Variants in KIAA1549L observed in about 807,000 individuals in gnomAD.
KIAA1549L encodes UPF0606 protein KIAA1549L.
A neutral mutation model predicts 160.7 loss-of-function variants in KIAA1549L; 88 were observed. The ratio of observed to expected loss-of-function variants is 0.55; its 90% CI spans 0.46 to 0.65. The LOEUF (loss-of-function observed/expected upper bound fraction) is 0.65, where lower values mean the gene tolerates loss of function less well. Ranked by LOEUF, KIAA1549L falls within the 30% of genes least tolerant of loss-of-function variation. The pLI is 0.00. For missense variants in KIAA1549L, 2,258 were observed against 2,437.5 expected (o/e 0.93, Z 1.55); for synonymous variants, 950 against 976.7 (o/e 0.97, Z 0.51).
At chr11:33,574,627 T>C in intron 9 of KIAA1549L, 75 bp from the exon 10 acceptor site, 1 of 1,396,534 alleles carries the variant, frequency 7.2e-7, no homozygotes, top group South Asian at 1.4e-5. Context: ...GAGAGGAACA[T>C]CTGCTGATCA....
At chr11:33,585,601 AATGGT>A (rs1855788061) in intron 11 of KIAA1549L, among the ~76,000 whole-genome samples, 1 of 152,226 alleles carries the variant, frequency 6.6e-6, no homozygotes, top group African/African-American at 2.4e-5. Context: ...TTTTAGACAT[AATGGT>A]AATAACCAGA....
intron 15 of KIAA1549L, among the ~76,000 whole-genome samples, chr11:33,615,159 T>C (rs1212103079): frequency 6.6e-6 from 1 of 152,048 alleles, no homozygotes; most frequent in Non-Finnish European, 1.5e-5. Context: ...TACACTCAAA[T>C]CATTCTAGAA....
intron 1 of KIAA1549L, among the ~76,000 whole-genome samples, chr11:33,379,068 G>C (rs193195231): frequency 1.3e-5 from 2 of 152,114 alleles, no homozygotes; most frequent in African/African-American, 2.4e-5. Context: ...GAATGCGTCC[G>C]ACCCTGAGAT....
intron 17 of KIAA1549L, 114 bp from the exon 18 acceptor site, chr11:33,655,898 A>C: frequency 1.4e-6 from 1 of 705,180 alleles, no homozygotes; most frequent in Non-Finnish European, 2.6e-6. Flanking sequence ...AGTCTGAGTA[A>C]GGAGGCAGAG....
rs749232838 is a variant in KIAA1549L, at chr11:33,473,631, A to C, written c.239-68171A>C. Among the ~76,000 whole-genome samples, 110 of 152,304 alleles carry C rather than the reference A, an allele frequency of 7.2e-4. 2 individuals are homozygous for C. Among genetic ancestry groups the C allele is most frequent in the Middle Eastern group, 3.4e-3 (1 of 294 alleles). On this transcript the variant is annotated intron_variant, in intron 1 of 20. Coordinates refer to ENST00000658780, the MANE Select transcript of KIAA1549L (RefSeq NM_012194.3). ...AAGACTGTGTTCTCCGCTTCCGAGC[A>C]TGGCATTCAAAGGCTCTCCACCATT...
intron 1 of KIAA1549L, among the ~76,000 whole-genome samples, chr11:33,505,154 A>T (rs1205506443): frequency 6.6e-6 from 1 of 152,218 alleles, no homozygotes; most frequent in Non-Finnish European, 1.5e-5. Context: ...TAGCACTCTG[A>T]AGTCAGAGCT....
chr11:33,529,943 A>G (rs1853700047), intron 1 of KIAA1549L, among the ~76,000 whole-genome samples: 1 of 152,152 alleles, frequency 6.6e-6, no homozygotes, highest in African/African-American at 2.4e-5. Flanking sequence ...AAGCCCTAGT[A>G]AGATGTTTAG....
intron 1 of KIAA1549L, among the ~76,000 whole-genome samples, chr11:33,530,423 AAAAAAAAAAAAAAAT>A (rs1182003037): frequency 2.0e-4 from 3 of 14,832 alleles, no homozygotes; most frequent in African/African-American, 8.2e-4. Flanking sequence ...GGAAAAAAAA[AAAAAAAAAAAAAAAT>A]ATATATATAT....
At chr11:33,554,541 C>T (rs1046921354) in intron 6 of KIAA1549L, among the ~76,000 whole-genome samples, 3 of 152,186 alleles carry the variant, frequency 2.0e-5, no homozygotes, top group Non-Finnish European at 2.9e-5. Context: ...GGGCATTGTC[C>T]GTGGCTCCCA....
chr11:33,382,233 G>A (rs1850086596), intron 1 of KIAA1549L, among the ~76,000 whole-genome samples: 1 of 152,120 alleles, frequency 6.6e-6, no homozygotes, highest in African/African-American at 2.4e-5. Context: ...AAACAATGAG[G>A]CAGTAGGAAG....
chr11:33,445,977 A>G (rs2132958130), intron 1 of KIAA1549L, among the ~76,000 whole-genome samples: 1 of 152,248 alleles, frequency 6.6e-6, no homozygotes, highest in South Asian at 2.1e-4. Flanking sequence ...AAATTTCTGT[A>G]GTTCATAAGC....
At chr11:33,655,274 G>A (rs1272399085) in intron 17 of KIAA1549L, among the ~76,000 whole-genome samples, 2 of 151,968 alleles carry the variant, frequency 1.3e-5, no homozygotes, top group African/African-American at 2.4e-5. Context: ...CACACACACA[G>A]ACTTACCTGA....
chr11:33,554,722 C>T (rs2133205524), intron 6 of KIAA1549L, among the ~76,000 whole-genome samples: 1 of 152,260 alleles, frequency 6.6e-6, no homozygotes, highest in South Asian at 2.1e-4. Flanking sequence ...TGAACTAGGC[C>T]TGACTACTCC....
chr11:33,431,945 C>A (rs1357861847), intron 1 of KIAA1549L, among the ~76,000 whole-genome samples: 1 of 152,258 alleles, frequency 6.6e-6, no homozygotes, highest in Non-Finnish European at 1.5e-5. Flanking sequence ...TGGGCTGGCA[C>A]TGCTGGGGGA....
chr11:33,663,281 G>A (rs150581417), intron 20 of KIAA1549L, among the ~76,000 whole-genome samples: 72 of 152,316 alleles, frequency 4.7e-4, no homozygotes, highest in African/African-American at 1.7e-3. Context: ...GATGGAGAAG[G>A]ATTGGGAGGG....
chr11:33,439,836 C>CATCCTT (rs1851459384), intron 1 of KIAA1549L, among the ~76,000 whole-genome samples: 5 of 151,796 alleles, frequency 3.3e-5, no homozygotes, highest in Middle Eastern at 3.2e-3. Flanking sequence ...TGGTATTTTC[C>CATCCTT]GGGTATGTCT....
At chr11:33,601,227 G>A (rs1370949280) in intron 13 of KIAA1549L, among the ~76,000 whole-genome samples, 1 of 152,090 alleles carries the variant, frequency 6.6e-6, no homozygotes, top group Non-Finnish European at 1.5e-5. Flanking sequence ...GAATTTGGGG[G>A]GCTGGTTGCT....
chr11:33,605,150 TTTTTG>T (rs71457310), intron 13 of KIAA1549L, among the ~76,000 whole-genome samples: 43,849 of 149,738 alleles, frequency 0.29, 6,491 homozygotes, highest in East Asian at 0.36. Flanking sequence ...AAGTCATGAG[TTTTTG>T]TTTTGTTTTG....
intron 16 of KIAA1549L, among the ~76,000 whole-genome samples, chr11:33,624,449 A>G (rs1851041272): frequency 6.6e-6 from 1 of 152,168 alleles, no homozygotes; most frequent in African/African-American, 2.4e-5. Flanking sequence ...ACAAATGTAA[A>G]CACCCCTTGG....
Sources: gnomAD v4.1 joint callset for allele counts (sites outside exome capture counted in the v4.1 genomes callset) on GRCh38, gnomAD v4.1.1 for gene constraint, MANE v1.5 for transcripts, NCBI Gene and HGNC (gene_info 2026-07-23, HGNC 2026-07-21) for gene names.